Variants in PSMF1 observed in about 807,000 individuals in gnomAD.
PSMF1 encodes the protein proteasome inhibitor subunit 1, also known as proteasome inhibitor PI31 subunit.
PSMF1 carries 30 observed loss-of-function variants against 29.3 expected under a neutral mutation model. The ratio of observed to expected loss-of-function variants is 1.02; its 90% CI spans 0.77 to 1.39. PSMF1 has a LOEUF of 1.39. PSMF1 is among the 40% of genes most tolerant of loss of function. The probability of loss-of-function intolerance (pLI) is 0.00; values close to 1 mark genes in which losing one functional copy is unlikely to be tolerated. For synonymous variants in PSMF1, 134 were observed against 139.7 expected (o/e 0.96, Z 0.29); for missense variants, 344 against 357.5 (o/e 0.96, Z 0.31).
chr20:1,140,200 A>G lies in PSMF1; in HGVS notation c.551+4894A>G, dbSNP rs145657494. 5.2e-3 allele frequency among the ~76,000 whole-genome samples: 796 copies of G among 152,340 alleles called. 2 individuals carry two copies. The highest frequency in any genetic ancestry group is 0.031 in the Middle Eastern group (9 of 294). On this transcript the variant is annotated intron_variant, in intron 4 of 6. Coordinates refer to ENST00000335877, the MANE Select transcript of PSMF1 (RefSeq NM_006814.5). Reference sequence around the variant, plus strand: ...AAGACTTCCAGATCCCTATTTCAAAACTTATTACAAAGCTTCAATCATCAG... The same window carrying G: ...AAGACTTCCAGATCCCTATTTCAAAGCTTATTACAAAGCTTCAATCATCAG...
chr20:1,118,749 C>T lies in PSMF1; in HGVS notation c.-25C>T, dbSNP rs2086041587. ...CACTACCCCCGCCCCCTTCTTTCCT[C>T]CAGACGCCGAAGTCGCGGGCGCTCA... On this transcript the variant is annotated 5_prime_UTR_variant, in exon 1 of 7. Coordinates refer to ENST00000335877, the MANE Select transcript of PSMF1 (RefSeq NM_006814.5). 4 of 1,605,916 alleles carry T rather than the reference C, an allele frequency of 2.5e-6. No homozygotes were observed. The highest frequency in any genetic ancestry group is 4.5e-5 in the East Asian group (2 of 44,818).
chr20:1,125,735 A>G (rs770356445), intron 2 of PSMF1, 85 bp downstream of exon 2: 197 of 1,497,234 alleles, frequency 1.3e-4, no homozygotes, highest in Non-Finnish European at 1.7e-4. Flanking sequence ...ACGAATCCAG[A>G]GCTTCAATGT....
At chr20:1,151,641 C>T (rs2086532118) in intron 4 of PSMF1, among the ~76,000 whole-genome samples, 1 of 152,214 alleles carries the variant, frequency 6.6e-6, no homozygotes, top group Admixed American at 6.5e-5. Flanking sequence ...CTTCAAGGAG[C>T]TCACAGTTGA....
rs1216532161 is a variant in PSMF1 at position 1,166,281 on chromosome 20, C to T, written c.*1201C>T. ...GAGCCCTGTTCTGGAGTGGAAAGAG[C>T]ACGATAGAGCACCAGGCTAAGAGGC... On this transcript the variant is annotated 3_prime_UTR_variant, in exon 7 of 7. Transcript: ENST00000335877. The T allele has an allele frequency of 6.2e-7, 1 of 1,606,544 alleles. No homozygotes were observed. Among genetic ancestry groups the T allele is most frequent in the Non-Finnish European group, 8.5e-7 (1 of 1,174,930 alleles).
intron 2 of PSMF1, among the ~76,000 whole-genome samples, chr20:1,126,085 T>A (rs972038701): frequency 7.9e-5 from 12 of 152,158 alleles, no homozygotes; most frequent in African/African-American, 2.7e-4. Context: ...TCCTGGACAA[T>A]TCTCTTTCAT....
At chr20:1,116,035 C>CTTTTT (rs11473727), upstream of PSMF1, among the ~76,000 whole-genome samples, 1 of 144,864 alleles carries the variant, frequency 6.9e-6, no homozygotes, top group Non-Finnish European at 1.5e-5. Flanking sequence ...CTGGCCAGTA[C>CTTTTT]TTTTTTTTTT....
chr20:1,169,189 C>T lies in PSMF1; in HGVS notation c.*4109C>T, dbSNP rs1365730222. On this transcript the variant is annotated 3_prime_UTR_variant, in exon 7 of 7. Coordinates refer to ENST00000335877, the MANE Select transcript of PSMF1 (RefSeq NM_006814.5). ...CTGCATTAACCCCAGGACACATGGA[C>T]CAAGTCACTGCGGCCGTACTTGGCC... Among the ~76,000 whole-genome samples, 1 of 152,148 alleles carries T rather than the reference C, an allele frequency of 6.6e-6. No homozygotes were observed. Among genetic ancestry groups the T allele is most frequent in the Non-Finnish European group, 1.5e-5 (1 of 68,038 alleles).
chr20:1,128,294 C>T (rs2086185758), intron 3 of PSMF1, among the ~76,000 whole-genome samples: 1 of 152,082 alleles, frequency 6.6e-6, no homozygotes, highest in Non-Finnish European at 1.5e-5. Context: ...GAAAATTTTT[C>T]CTTATAAGTT....
At chr20:1,114,546 G>A (rs2085997468), upstream of PSMF1, among the ~76,000 whole-genome samples, 1 of 135,548 alleles carries the variant, frequency 7.4e-6, no homozygotes, top group Non-Finnish European at 1.6e-5. Context: ...CCTGTAAGAT[G>A]CCAGCTACAA....
chr20:1,140,824 A>G (rs1468419374), intron 4 of PSMF1, among the ~76,000 whole-genome samples: 2 of 152,252 alleles, frequency 1.3e-5, no homozygotes, highest in East Asian at 3.8e-4. Context: ...AGGAGGATGT[A>G]CAGATAGTCC....
chr20:1,160,647 G>T, intron 4 of PSMF1: 1 of 510,604 alleles, frequency 2.0e-6, no homozygotes, highest in South Asian at 1.5e-5. Context: ...AGCTGGTTTT[G>T]CTGGGGACGA....
chr20:1,139,389 A>G (rs977220923), intron 4 of PSMF1, among the ~76,000 whole-genome samples: 5 of 152,232 alleles, frequency 3.3e-5, no homozygotes, highest in African/African-American at 1.2e-4. Context: ...AGCCAGGGCA[A>G]TCACTCAAGA....
chr20:1,135,239 A>G lies in PSMF1; in HGVS notation c.484A>G (p.Thr162Ala). The G allele has an allele frequency of 1.2e-6, 2 of 1,614,044 alleles. No individual in the cohort carries two copies. The highest frequency in any genetic ancestry group is 1.7e-6 in the Non-Finnish European group (2 of 1,179,984). ...TCCCCACCGGGAGTTCCCCCCTGCT[A>G]CCGCCAGAGAGGTGGACCCACTCCG... ...SSPHREFPPA[T>A]AREVDPLRIP... Residue 162 changes from threonine to alanine, a missense_variant, in exon 4 of 7, where the codon ACC (threonine) becomes GCC (alanine). Physicochemically the swap from Thr to Ala is moderately conservative, Grantham distance 58. Coordinates refer to ENST00000335877, the MANE Select transcript of PSMF1 (RefSeq NM_006814.5).
intron 4 of PSMF1, among the ~76,000 whole-genome samples, chr20:1,152,421 A>G (rs1000174777): frequency 6.6e-6 from 1 of 152,224 alleles, no homozygotes; most frequent in Non-Finnish European, 1.5e-5. Flanking sequence ...CAAAGAAATG[A>G]ACTTGGCTTG....
Position 1,164,354 on chromosome 20 carries a change from A to T in PSMF1, c.642A>T (p.Arg214Ser). The T allele has an allele frequency of 6.2e-7, 1 of 1,613,872 alleles. No individual in the cohort carries two copies. The highest frequency in any genetic ancestry group is 8.5e-7 in the Non-Finnish European group (1 of 1,179,866). ...RRGGMIVDPL[R>S]SGFPRALIDP... Reference sequence around the variant, plus strand: ...GTGGCATGATTGTGGATCCCCTGAGATCTGGCTTCCCAAGAGCACTTATTG... The same window carrying T: ...GTGGCATGATTGTGGATCCCCTGAGTTCTGGCTTCCCAAGAGCACTTATTG... Residue 214 changes from arginine to serine, a missense_variant, in exon 6 of 7, where the codon AGA (arginine) becomes AGT (serine). Arg to Ser is a moderately radical substitution (Grantham distance 110). Transcript: ENST00000335877. The surrounding 1 kb of genome is among the most constrained non-coding windows in gnomAD (Gnocchi z 4.1).
At chr20:1,149,636 CAAAA>C (rs2086501044) in intron 4 of PSMF1, among the ~76,000 whole-genome samples, 1 of 152,116 alleles carries the variant, frequency 6.6e-6, no homozygotes, top group Admixed American at 6.5e-5. Context: ...AAACAAAAAA[CAAAA>C]AACTGTTTTC....
Position 1,125,455 on chromosome 20 carries a change from T to C in PSMF1, c.130-43T>C, listed in dbSNP as rs1333527782. On this transcript the variant is annotated intron_variant, in intron 1 of 6. Transcript: ENST00000335877. Reference sequence around the variant, plus strand: ...CGTGAGGTTCTTTATAGTTCTGTGTTTTGAGTTCATGATCTTTCTCCTCTC... The same window carrying C: ...CGTGAGGTTCTTTATAGTTCTGTGTCTTGAGTTCATGATCTTTCTCCTCTC... 3.9e-6 allele frequency: 6 copies of C among 1,554,306 alleles called. No individual in the cohort carries two copies. In the Admixed American group the frequency reaches 1.0e-4, roughly 26 times the overall value.
At chr20:1,153,539 G>A (rs555691230) in intron 4 of PSMF1, among the ~76,000 whole-genome samples, 2 of 152,010 alleles carry the variant, frequency 1.3e-5, no homozygotes, top group South Asian at 4.1e-4. Flanking sequence ...GTCCCCTTTT[G>A]AGGTCAACTG....
At chr20:1,142,336 T>G (rs1163371626) in intron 4 of PSMF1, among the ~76,000 whole-genome samples, 2 of 152,186 alleles carry the variant, frequency 1.3e-5, no homozygotes, top group Non-Finnish European at 2.9e-5. Flanking sequence ...TAGTTACATA[T>G]GTATACATGT....
Sources: gnomAD v4.1 joint callset for allele counts (sites outside exome capture counted in the v4.1 genomes callset) on GRCh38, gnomAD v4.1.1 for gene constraint, Gnocchi (gnomAD v3.1) non-coding constraint, MANE v1.5 for transcripts, NCBI Gene and HGNC (gene_info 2026-07-23, HGNC 2026-07-21) for gene names.